BRWD1: variants seen among roughly 807,000 people sequenced by gnomAD.
BRWD1 encodes the protein bromodomain and WD repeat-containing protein 1.
Under a neutral mutation model 251.2 loss-of-function variants are expected in BRWD1, and 82 were observed. That is an observed-to-expected ratio of 0.33 (90% CI 0.27 to 0.39). The LOEUF (loss-of-function observed/expected upper bound fraction) is 0.39. Among genes scored for constraint, BRWD1 ranks in the 10% least tolerant of loss-of-function variants. The pLI, the probability that BRWD1 is intolerant of heterozygous loss-of-function variation, is 1.00. For missense variants in BRWD1, 2,233 were observed against 2,711.6 expected, an observed-to-expected ratio of 0.82 and a Z score of 3.92; for synonymous variants, 918 against 902.8, an observed-to-expected ratio of 1.02 and a Z score of -0.30.
At chr21:39,206,971 G>A (rs546610477) in intron 36 of BRWD1, among the ~76,000 whole-genome samples, 1 of 152,190 alleles carries the variant, frequency 6.6e-6, no homozygotes, top group South Asian at 2.1e-4. Context: ...GCATGGCAGT[G>A]GATGGCGAAG....
upstream of BRWD1, among the ~76,000 whole-genome samples, chr21:39,315,229 C>T (rs1226904222): frequency 1.3e-5 from 2 of 151,786 alleles, no homozygotes; most frequent in Admixed American, 6.6e-5. Context: ...GTCTCGAACT[C>T]CTGGCCTCAG....
intron 36 of BRWD1, among the ~76,000 whole-genome samples, chr21:39,207,444 A>C (rs540346971): frequency 3.2e-4 from 44 of 139,008 alleles, no homozygotes; most frequent in African/African-American, 1.1e-3. Flanking sequence ...AAAAAGAAAA[A>C]AAAGAAAACA....
chr21:39,189,166 A>G lies in BRWD1; in HGVS notation c.*7093T>C, dbSNP rs2031412559. The G allele has an allele frequency of 1.0e-6, 1 of 984,052 alleles. No individual in the cohort carries two copies. The highest frequency in any genetic ancestry group is 1.7e-5 in the African/African-American group (1 of 57,220). The allele number at this position is 984,052 out of a possible 1,614,324, so 61.0% of individuals were successfully genotyped here. The stretch of plus-strand genomic sequence containing the variant: ...AAAGGGTAAACAAAAATTTTAAAAT[A>G]TGCAAAATTAAGGTGAAATTTGCAC... On this transcript the variant is annotated 3_prime_UTR_variant, in exon 41 of 41. Transcript: ENST00000342449.
In BRWD1 at chr21:39,192,908, A is replaced by T. The variant is rs570718409; in HGVS notation, c.*3351T>A. 2 of 973,700 alleles carry T rather than the reference A, an allele frequency of 2.1e-6. No individual in the cohort carries two copies. The highest frequency in any genetic ancestry group is 3.7e-5 in the African/African-American group (2 of 53,638). 60.3% of individuals were successfully genotyped at this position (973,700 alleles called of 1,614,324 possible). On this transcript the variant is annotated 3_prime_UTR_variant, in exon 41 of 41. Coordinates refer to ENST00000342449, the MANE Select transcript of BRWD1 (RefSeq NM_033656.4). Reference sequence around the variant, plus strand: ...TTTAATATCAAACAGGGAGGTTAGTAAATTGTTTTCTGATTCTTCTACAAA... The same window carrying T: ...TTTAATATCAAACAGGGAGGTTAGTTAATTGTTTTCTGATTCTTCTACAAA...
At chr21:39,278,671 T>C in intron 10 of BRWD1, 72 bp downstream of exon 10, 3 of 1,195,498 alleles carry the variant, frequency 2.5e-6, no homozygotes, top group Non-Finnish European at 3.5e-6. Context: ...TAAAAGTTCT[T>C]AGCAACCAAG....
Position 39,189,342 on chromosome 21 carries a change from T to C in BRWD1, c.*6917A>G. The C allele has an allele frequency of 1.0e-6, 1 of 985,218 alleles. No homozygotes were observed. The highest frequency in any genetic ancestry group is 1.2e-6 in the Non-Finnish European group (1 of 829,766). The allele number at this position is 985,218 out of a possible 1,614,324, so 61.0% of individuals were successfully genotyped here. A position where few individuals can be genotyped will look rare whatever the true frequency, so the allele number is the denominator to read the frequency against. ...CAACTACAATTTGTAACAAAATGCT[T>C]TAAGTTGCAGAAATTCCATTTTGAT... On this transcript the variant is annotated 3_prime_UTR_variant, in exon 41 of 41. Transcript: ENST00000342449.
At chr21:39,310,615 T>A (rs1394522434) in intron 4 of BRWD1, among the ~76,000 whole-genome samples, 8 of 122,638 alleles carry the variant, frequency 6.5e-5, no homozygotes, top group Admixed American at 2.5e-4. Context: ...AAAAAAAAAA[T>A]TATTATTATT....
Position 39,215,298 on chromosome 21 carries a change from G to A in BRWD1, c.3724C>T (p.Pro1242Ser). 6.2e-7 allele frequency: 1 copy of A among 1,612,546 alleles called. No individual in the cohort carries two copies. Among genetic ancestry groups the A allele is most frequent in the Non-Finnish European group, 8.5e-7 (1 of 1,178,720 alleles). ...GCTGATCTTGCAATTACACTCTCAG[G>A]TTCGTTAAATGTTCTGGCATTATGT... ...IEHNARTFNE[P>S]ESVIARSAKK... Residue 1242 changes from proline (P) to serine (S), a missense_variant, in exon 32 of 41, where the codon CCT (proline) becomes TCT (serine). Pro to Ser is a moderately conservative substitution (Grantham distance 74, BLOSUM62 -1). This residue lies in a region of BRWD1 where 167 missense variants were observed against 183.2 expected (regional missense o/e 0.91). Coordinates refer to ENST00000342449, the MANE Select transcript of BRWD1 (RefSeq NM_033656.4).
At chr21:39,277,499 G>C (rs1176800277) in intron 10 of BRWD1, 148 bp from the exon 11 acceptor site, 3 of 514,194 alleles carry the variant, frequency 5.8e-6, no homozygotes, top group Admixed American at 4.0e-5. Context: ...TCACTATATA[G>C]AGGTTATAAA....
chr21:39,208,713 A>G (rs1421602200), intron 36 of BRWD1, among the ~76,000 whole-genome samples: 1 of 152,072 alleles, frequency 6.6e-6, no homozygotes, highest in African/African-American at 2.4e-5. Context: ...GTGGGATTAC[A>G]GGCAAGCGCC....
intron 37 of BRWD1, among the ~76,000 whole-genome samples, chr21:39,202,938 A>T (rs1238493752): frequency 6.6e-6 from 1 of 152,240 alleles, no homozygotes; most frequent in Non-Finnish European, 1.5e-5. Context: ...GTCCCTAAAG[A>T]CAGAATATGG....
At chr21:39,241,515 A>C (rs1446136033) in intron 21 of BRWD1, among the ~76,000 whole-genome samples, 1 of 106,354 alleles carries the variant, frequency 9.4e-6, no homozygotes, top group Non-Finnish European at 2.1e-5. Context: ...AAAAAAAAAA[A>C]GATTTAAAAA....
intron 29 of BRWD1, among the ~76,000 whole-genome samples, chr21:39,223,188 AT>A (rs1163032780): frequency 6.6e-6 from 1 of 152,204 alleles, no homozygotes; most frequent in Non-Finnish European, 1.5e-5. Flanking sequence ...TAATTTCCTG[AT>A]TTTGATCACT....
upstream of BRWD1, chr21:39,314,535 T>G (rs1568990452): frequency 5.7e-6 from 2 of 352,010 alleles, no homozygotes; most frequent in Non-Finnish European, 1.1e-5. Flanking sequence ...GGAAGACTAG[T>G]AGGATGTGAG....
chr21:39,208,421 CAGG>C (rs1184191766), intron 36 of BRWD1, among the ~76,000 whole-genome samples: 1 of 152,166 alleles, frequency 6.6e-6, no homozygotes, highest in Non-Finnish European at 1.5e-5. Context: ...GGCAGTAATG[CAGG>C]AGGAGTCTAA....
At chr21:39,301,832 T>TAAG in intron 4 of BRWD1, among the ~76,000 whole-genome samples, 1 of 141,034 alleles carries the variant, frequency 7.1e-6, no homozygotes, top group East Asian at 2.1e-4. Context: ...AAAGGAGCAA[T>TAAG]AAGACTGCTA....
At chr21:39,266,981 T>G (rs1358252270) in intron 15 of BRWD1, among the ~76,000 whole-genome samples, 2 of 152,198 alleles carry the variant, frequency 1.3e-5, no homozygotes, top group Non-Finnish European at 2.9e-5. Context: ...GTTTTTTGTT[T>G]TGAGGAGTTA....
rs749609154 is a variant in BRWD1, at chr21:39,191,778, C to T, written c.*4481G>A. The T allele has an allele frequency of 2.0e-6, 2 of 985,168 alleles. No homozygotes were observed. Among genetic ancestry groups the T allele is most frequent in the Non-Finnish European group, 2.4e-6 (2 of 829,744 alleles). The allele number at this position is 985,168 out of a possible 1,614,324, so 61.0% of individuals were successfully genotyped here. On this transcript the variant is annotated 3_prime_UTR_variant, in exon 41 of 41. Transcript: ENST00000342449. ...GCTCTATATACTGGTCATCTCATTT[C>T]AGTTAGGTCAATTGGACTGCCTCTT... is the stretch of plus-strand genomic sequence containing the variant.
downstream of BRWD1, chr21:39,184,816 AATG>A (rs1365125568): frequency 2.0e-5 from 3 of 152,182 alleles, no homozygotes; most frequent in Non-Finnish European, 4.4e-5. Context: ...AGATCACCAC[AATG>A]ATGTTTTAAA....
Sources: gnomAD v4.1 joint callset for allele counts (sites outside exome capture counted in the v4.1 genomes callset) on GRCh38, gnomAD v4.1.1 for gene constraint, gnomAD v4.1.1 regional missense constraint, MANE v1.5 for transcripts, NCBI Gene and HGNC (gene_info 2026-07-23, HGNC 2026-07-21) for gene names.